The following POTEC variants were observed in gnomAD, a reference collection of about 807,000 sequenced individuals.
POTEC encodes the protein ANKRD26-like family B member 2.
POTEC carries 35 observed loss-of-function variants against 62.0 expected under a neutral mutation model. The ratio of observed to expected loss-of-function variants is 0.56; its 90% CI spans 0.43 to 0.75. The LOEUF is 0.75. Among genes scored for constraint, POTEC ranks in the 30% least tolerant of loss-of-function variants. The probability of loss-of-function intolerance (pLI) is 0.00; values close to 1 mark genes in which losing one functional copy is unlikely to be tolerated. For synonymous variants in POTEC, 156 were observed against 221.5 expected, an observed-to-expected ratio of 0.70 and a Z score of 2.62; for missense variants, 472 against 655.9, an observed-to-expected ratio of 0.72 and a Z score of 3.06.
chr18:14,537,001 C>T (rs1318566363), intron 3 of POTEC, among the ~76,000 whole-genome samples: 1 of 151,684 alleles, frequency 6.6e-6, no homozygotes, highest in Non-Finnish European at 1.5e-5. Flanking sequence ...GGGTTTCCCA[C>T]TACATTACCA....
At chr18:14,518,233 ATTCATGAGAG>A (rs1441212286) in intron 9 of POTEC, among the ~76,000 whole-genome samples, 2 of 152,060 alleles carry the variant, frequency 1.3e-5, no homozygotes, top group East Asian at 3.9e-4. Flanking sequence ...TAAAAACCCT[ATTCATGAGAG>A]TGAGAAAAAC....
chr18:14,533,805 C>T (rs1037067248), intron 4 of POTEC, among the ~76,000 whole-genome samples: 9 of 151,370 alleles, frequency 5.9e-5, no homozygotes, highest in Admixed American at 1.3e-4. Context: ...ATGTCACACA[C>T]GTAGCAAGTA....
At chr18:14,523,316 C>T (rs8099462) in intron 8 of POTEC, 147 bp downstream of exon 8, 91,563 of 994,384 alleles carry the variant, frequency 0.092, 6,174 homozygotes, top group East Asian at 0.35. Flanking sequence ...ATGTACAGAA[C>T]TCTTTCTGAG....
Position 14,540,331 on chromosome 18 carries a change from T to A in POTEC, c.522-2082A>T, listed in dbSNP as rs1024442562. Among the ~76,000 whole-genome samples, 25 of 152,200 alleles carry A rather than the reference T, an allele frequency of 1.6e-4. 1 individual carries two copies. The highest frequency in any genetic ancestry group is 5.5e-4 in the African/African-American group (23 of 41,460). ...CTCTTCCCAAGTATTATTTCATTACTAATGAAACTTAACTAAAACTTTTCA... is the reference window on the plus strand; with the variant it reads ...CTCTTCCCAAGTATTATTTCATTACAAATGAAACTTAACTAAAACTTTTCA... On this transcript the variant is annotated intron_variant, in intron 1 of 10. Transcript: ENST00000358970.
intron 1 of POTEC, among the ~76,000 whole-genome samples, chr18:14,541,120 A>T (rs1284440106): frequency 6.6e-6 from 1 of 152,074 alleles, no homozygotes; most frequent in Non-Finnish European, 1.5e-5. Context: ...CAAACTCCTG[A>T]CCTCGTGATC....
chr18:14,538,667 ATAT>A (rs999325957), intron 1 of POTEC, among the ~76,000 whole-genome samples: 1 of 152,074 alleles, frequency 6.6e-6, no homozygotes, highest in African/African-American at 2.4e-5. Flanking sequence ...AAATTGTAAG[ATAT>A]TATAATTTTT....
Position 14,524,561 on chromosome 18 carries a change from A to G in POTEC, c.1197+352T>C, listed in dbSNP as rs529253187. Among the ~76,000 whole-genome samples the G allele has an allele frequency of 2.0e-5, 3 of 152,256 alleles. No individual in the cohort carries two copies. In the East Asian group the frequency reaches 5.8e-4, roughly 29 times the overall value. ...ATAAAAGAACAAACAAAGGTCTGGA[A>G]TATGTTTTTGCCTCTATTCCAAAAG... On this transcript the variant is annotated intron_variant, in intron 7 of 10. Coordinates refer to ENST00000358970, the MANE Select transcript of POTEC (RefSeq NM_001137671.2).
In POTEC at chr18:14,542,730, A is replaced by G; in HGVS notation, c.417T>C (p.Asp139=). 6.2e-7 allele frequency: 1 copy of G among 1,613,232 alleles called. No individual in the cohort carries two copies. Among genetic ancestry groups the G allele is most frequent in the Non-Finnish European group, 8.5e-7 (1 of 1,179,860 alleles). The change falls in exon 1 of 11, where the codon GAT becomes GAC. Residue 139 remains aspartate (D), a synonymous_variant. Transcript: ENST00000358970. ...AGGCAGCTCTGTGGAGCTTGTCCAG[A>G]TCTTCTCGACGGACGTGGTACCTCG... The part of the protein sequence containing the change: ...MEPRYHVRRE[D]LDKLHRAAWW...
chr18:14,539,934 T>C (rs1905876243), intron 1 of POTEC, among the ~76,000 whole-genome samples: 1 of 152,094 alleles, frequency 6.6e-6, no homozygotes, highest in South Asian at 2.1e-4. Context: ...TGGCTTATGT[T>C]TGATGACTAA....
intron 3 of POTEC, among the ~76,000 whole-genome samples, chr18:14,537,212 A>ACACACACACACACAC (rs1905763794): frequency 2.8e-4 from 17 of 60,608 alleles, no homozygotes; most frequent in South Asian, 7.2e-4. Flanking sequence ...CACACACACA[A>ACACACACACACACAC]AAAAAAAAAA....
chr18:14,542,647 T>C lies in POTEC; in HGVS notation c.500A>G (p.Asn167Ser). ...TTACCTCTTTTGCTTGTCCCTCTTG[T>C]TCATGTCCGTGTCCCTGAGCATGAC... ...LIVMLRDTDM[N>S]KRDKQKRTAL... is the part of the protein sequence containing the mutation. Residue 167 changes from asparagine (N) to serine (S), a missense_variant, in exon 1 of 11, where the codon AAC becomes AGC. Transcript: ENST00000358970. 1 of 1,612,644 alleles carries C rather than the reference T, an allele frequency of 6.2e-7. No individual in the cohort carries two copies. Among genetic ancestry groups the C allele is most frequent in the Admixed American group, 1.7e-5 (1 of 60,004 alleles).
chr18:14,517,441 C>T (rs1487659214), intron 9 of POTEC, among the ~76,000 whole-genome samples: 1 of 152,176 alleles, frequency 6.6e-6, no homozygotes, highest in Non-Finnish European at 1.5e-5. Context: ...GACCAGTATT[C>T]CTCTTACTAT....
At chr18:14,528,955 C>A (rs1910508494) in intron 6 of POTEC, 1 of 454,402 alleles carries the variant, frequency 2.2e-6, no homozygotes, top group Non-Finnish European at 4.4e-6. Flanking sequence ...CTCTTCCTGC[C>A]AAACAGGCAA....
rs574440864 is a variant in POTEC at position 14,542,550 on chromosome 18, C to T, written c.521+76G>A. 2.2e-4 allele frequency: 350 copies of T among 1,593,872 alleles called. 1 individual carries two copies. In the East Asian group the frequency reaches 7.7e-3, roughly 35 times the overall value. Reference sequence around the variant, plus strand: ...TGCGGAGGAAGAGAAAGCCTGGCTCCTCCCTCCCTGCGCCAGGAGGGTATG... The same window carrying T: ...TGCGGAGGAAGAGAAAGCCTGGCTCTTCCCTCCCTGCGCCAGGAGGGTATG... On this transcript the variant is annotated intron_variant, in intron 1 of 10. Transcript: ENST00000358970.
At position 14,522,033 on chromosome 18, in the gene POTEC, G is replaced by A. The variant is rs1598478371; in HGVS notation, c.1409+221C>T. Reference sequence around the variant, plus strand: ...AAGTTCATTAAAAAGAAAAGAAAATGCCTTTTCCCTCACATTTGCCAATGC... The same window carrying A: ...AAGTTCATTAAAAAGAAAAGAAAATACCTTTTCCCTCACATTTGCCAATGC... On this transcript the variant is annotated intron_variant, in intron 9 of 10. Coordinates refer to ENST00000358970, the MANE Select transcript of POTEC (RefSeq NM_001137671.2). Among the ~76,000 whole-genome samples the A allele has an allele frequency of 2.0e-5, 3 of 152,044 alleles. No homozygotes were observed. In the East Asian group the frequency reaches 5.8e-4, roughly 29 times the overall value.
chr18:14,514,729 A>G (rs1476577524), intron 9 of POTEC, among the ~76,000 whole-genome samples: 7 of 151,990 alleles, frequency 4.6e-5, no homozygotes, highest in African/African-American at 7.3e-5. Flanking sequence ...CAAGAGAAAT[A>G]AAGGGCATCC....
chr18:14,537,264 T>C (rs1905774519), intron 3 of POTEC, among the ~76,000 whole-genome samples: 1 of 145,972 alleles, frequency 6.9e-6, no homozygotes, highest in African/African-American at 2.5e-5. Flanking sequence ...CCCCATTACC[T>C]AATTTCCAAG....
Position 14,537,561 on chromosome 18 carries a change from C to T in POTEC, c.810+240G>A, listed in dbSNP as rs539162596. 2.6e-5 allele frequency among the ~76,000 whole-genome samples: 4 copies of T among 151,772 alleles called. No homozygotes were observed. The East Asian group carries it at 7.7e-4, about 29-fold the overall frequency. ...TGAAAAAAAAAAGTATTACCTTTTA[C>T]AAATTCAGTGTTTTTTTTAAAAAAG... On this transcript the variant is annotated intron_variant, in intron 3 of 10. Coordinates refer to ENST00000358970, the MANE Select transcript of POTEC (RefSeq NM_001137671.2).
chr18:14,542,896 C>T lies in POTEC; in HGVS notation c.251G>A (p.Gly84Glu). Reference sequence around the variant, plus strand: ...CTTCATAAAGGAGTTGTCATGGTCTCCAGAAGTGCCCACGTTGCTCGTGCC... The same window carrying T: ...CTTCATAAAGGAGTTGTCATGGTCTTCAGAAGTGCCCACGTTGCTCGTGCC... ...GSGTSNVGTS[G>E]DHDNSFMKTL... The change falls in exon 1 of 11, where the codon GGA becomes GAA. Residue 84 changes from glycine (G) to glutamate (E), a missense_variant. Coordinates refer to ENST00000358970, the MANE Select transcript of POTEC (RefSeq NM_001137671.2). 8.7e-6 allele frequency: 11 copies of T among 1,269,496 alleles called. No homozygotes were observed. The highest frequency in any genetic ancestry group is 1.2e-5 in the Non-Finnish European group (11 of 919,980). The allele number at this position is 1,269,496 out of a possible 1,614,324, so 78.6% of individuals were successfully genotyped here. A position where few individuals can be genotyped will look rare whatever the true frequency, so the allele number is the denominator to read the frequency against.
Sources: allele counts gnomAD v4.1 joint callset (sites outside exome capture counted in the v4.1 genomes callset), GRCh38; gene constraint gnomAD v4.1.1; transcripts MANE v1.5; gene names NCBI Gene and HGNC (gene_info 2026-07-23, HGNC 2026-07-21).